OPCML: variants seen among roughly 807,000 people sequenced by gnomAD.
OPCML encodes the protein opioid-binding protein/cell adhesion molecule.
Under a neutral mutation model 37.8 loss-of-function variants are expected in OPCML, and 13 were observed. The observed-to-expected ratio is 0.34, with a 90% CI of 0.22 to 0.55. OPCML has a LOEUF of 0.55. Ranked by LOEUF, OPCML falls within the 20% of genes least tolerant of loss-of-function variation. The pLI, the probability that OPCML is intolerant of heterozygous loss-of-function variation, is 0.91. For synonymous variants in OPCML, 176 were observed against 168.8 expected (o/e 1.04, Z -0.33); for missense variants, 341 against 435.6 (o/e 0.78, Z 1.93).
At chr11:132,683,509 A>G (rs748173590) in intron 2 of OPCML, among the ~76,000 whole-genome samples, 1 of 152,228 alleles carries the variant, frequency 6.6e-6, no homozygotes, top group Non-Finnish European at 1.5e-5. Context: ...CCTGCTACCT[A>G]TCAAATGTAT....
intron 1 of OPCML, among the ~76,000 whole-genome samples, chr11:133,204,012 C>T (rs1194928335): frequency 7.4e-6 from 1 of 134,820 alleles, no homozygotes; most frequent in Non-Finnish European, 1.5e-5. Context: ...GAGCCGAGAT[C>T]CCGCCACTGC....
At chr11:132,853,656 G>T (rs910047372) in intron 2 of OPCML, among the ~76,000 whole-genome samples, 3 of 152,222 alleles carry the variant, frequency 2.0e-5, no homozygotes, top group Middle Eastern at 3.4e-3. Context: ...TGTTTTCATA[G>T]ATTTGCCTTT....
At position 132,689,643 on chromosome 11, in the gene OPCML, G is replaced by T. The variant is rs111710649; in HGVS notation, c.147-32324C>A. Among the ~76,000 whole-genome samples the T allele has an allele frequency of 8.4e-3, 1,277 of 152,278 alleles. 10 individuals are homozygous for T. The highest frequency in any genetic ancestry group is 0.021 in the South Asian group (102 of 4,824). The stretch of plus-strand genomic sequence containing the variant: ...GGTAGAGACGAGGTGTCATGAGGCA[G>T]GAAGAGCAGTACTGCACAGAATTTG... On this transcript the variant is annotated intron_variant, in intron 2 of 7. Transcript: ENST00000524381.
intron 3 of OPCML, 142 bp from the exon 4 acceptor site, chr11:132,529,328 A>G: frequency 1.0e-6 from 1 of 995,950 alleles, no homozygotes. Context: ...TTGATTTGCC[A>G]AGGATATGGC....
chr11:133,071,268 G>A (rs1248032070), intron 1 of OPCML, among the ~76,000 whole-genome samples: 3 of 152,164 alleles, frequency 2.0e-5, no homozygotes, highest in South Asian at 2.1e-4. Context: ...AATGACATCC[G>A]TGTCTGTGTG....
At chr11:132,983,278 C>A (rs896446513) in intron 1 of OPCML, among the ~76,000 whole-genome samples, 4 of 152,234 alleles carry the variant, frequency 2.6e-5, no homozygotes, top group Admixed American at 6.5e-5. Flanking sequence ...ACAGCCCAAG[C>A]CAGCACCCAA....
At chr11:133,467,226 G>T (rs1256531120) in intron 1 of OPCML, among the ~76,000 whole-genome samples, 1 of 152,142 alleles carries the variant, frequency 6.6e-6, no homozygotes, top group African/African-American at 2.4e-5. Context: ...TCTGTCCTTA[G>T]AGAGCTGATA....
chr11:133,416,797 A>T (rs1016748391), intron 1 of OPCML, among the ~76,000 whole-genome samples: 3 of 152,170 alleles, frequency 2.0e-5, no homozygotes, highest in African/African-American at 7.2e-5. Flanking sequence ...GTTATTCATA[A>T]TGAGCCCCTG....
At chr11:132,770,551 G>A (rs963551611) in intron 2 of OPCML, among the ~76,000 whole-genome samples, 18 of 152,110 alleles carry the variant, frequency 1.2e-4, no homozygotes, top group Non-Finnish European at 2.4e-4. Flanking sequence ...TTTCATGGGA[G>A]AACTAATTTC....
chr11:132,475,741 C>G (rs2509232), intron 4 of OPCML, among the ~76,000 whole-genome samples: 76,403 of 152,106 alleles, frequency 0.5, 19,750 homozygotes, highest in East Asian at 0.86. Context: ...GTAATATTTT[C>G]TTATGACAGC....
rs1270111167 is a variant in OPCML at position 132,943,087 on chromosome 11, C to A, written c.62-77G>T. On this transcript the variant is annotated intron_variant, in intron 1 of 7. Transcript: ENST00000524381. The surrounding 1 kb of genome is among the most constrained non-coding windows in gnomAD (Gnocchi z 4.3). The stretch of plus-strand genomic sequence containing the variant: ...AGGGCAGGAACAGGTACCCACAGAC[C>A]CCCATTCTCGACAGCCACAACTTCC... 1.2e-6 allele frequency: 2 copies of A among 1,614,104 alleles called. No individual in the cohort carries two copies. Among genetic ancestry groups the A allele is most frequent in the Non-Finnish European group, 1.7e-6 (2 of 1,179,986 alleles).
At chr11:133,258,803 A>AG (rs1341072262) in intron 1 of OPCML, among the ~76,000 whole-genome samples, 1 of 151,930 alleles carries the variant, frequency 6.6e-6, no homozygotes, top group Non-Finnish European at 1.5e-5. Flanking sequence ...CTCACAGCCC[A>AG]GGGGGCCCCA....
intron 1 of OPCML, among the ~76,000 whole-genome samples, chr11:133,053,667 ACGC>A (rs879605331): frequency 2.0e-4 from 30 of 152,306 alleles, no homozygotes; most frequent in Middle Eastern, 3.4e-3. Context: ...CTGGGAAAGC[ACGC>A]TCCAGGCTTT....
At chr11:132,517,858 A>C (rs1258450316) in intron 4 of OPCML, among the ~76,000 whole-genome samples, 1 of 152,182 alleles carries the variant, frequency 6.6e-6, no homozygotes, top group Non-Finnish European at 1.5e-5. Context: ...TATGTAAAGC[A>C]TATTATTACT....
chr11:132,479,742 G>A (rs903886436), intron 4 of OPCML, among the ~76,000 whole-genome samples: 2 of 152,160 alleles, frequency 1.3e-5, no homozygotes, highest in Non-Finnish European at 2.9e-5. Context: ...GCCTAACTGG[G>A]AGGCACCCCC....
intron 3 of OPCML, among the ~76,000 whole-genome samples, chr11:132,530,615 C>G (rs2512709): frequency 0.4 from 60,143 of 151,670 alleles, 14,467 homozygotes; most frequent in Non-Finnish European, 0.54. Context: ...GTCGAACGCC[C>G]AAAACCACCG....
chr11:132,572,973 TAA>T (rs930434027), intron 3 of OPCML, among the ~76,000 whole-genome samples: 10 of 152,060 alleles, frequency 6.6e-5, no homozygotes, highest in South Asian at 2.1e-4. Flanking sequence ...CCTCTATAGT[TAA>T]GTTTATTCCC....
intron 1 of OPCML, among the ~76,000 whole-genome samples, chr11:133,014,582 G>A (rs1477188385): frequency 6.6e-6 from 1 of 152,160 alleles, no homozygotes; most frequent in Non-Finnish European, 1.5e-5. Context: ...GAGACTGTAT[G>A]TCCATGCAGG....
intron 2 of OPCML, among the ~76,000 whole-genome samples, chr11:132,784,156 G>A (rs1947125761): frequency 6.6e-6 from 1 of 152,160 alleles, no homozygotes; most frequent in Non-Finnish European, 1.5e-5. Flanking sequence ...ACAAGCCTAG[G>A]AAGCCAGGGT....
Sources: gnomAD v4.1 joint callset for allele counts (sites outside exome capture counted in the v4.1 genomes callset) on GRCh38, gnomAD v4.1.1 for gene constraint, Gnocchi (gnomAD v3.1) non-coding constraint, MANE v1.5 for transcripts, NCBI Gene and HGNC (gene_info 2026-07-23, HGNC 2026-07-21) for gene names.